THADA: variants seen among roughly 807,000 people sequenced by gnomAD.
THADA encodes tRNA (32-2'-O)-methyltransferase regulator THADA.
THADA carries 213 observed loss-of-function variants against 219.8 expected under a neutral mutation model. That is an observed-to-expected ratio of 0.97 (90% CI 0.87 to 1.09). The LOEUF is 1.09. Ranked by LOEUF, THADA falls within the 50% of genes least tolerant of loss-of-function variation. The pLI is 0.00. For missense variants in THADA, 2,956 were observed against 2,311.3 expected, an observed-to-expected ratio of 1.28 and a Z score of -5.72; for synonymous variants, 1,018 against 828.9, an observed-to-expected ratio of 1.23 and a Z score of -3.92.
intron 31 of THADA, among the ~76,000 whole-genome samples, chr2:43,314,945 A>G (rs567197574): frequency 6.6e-6 from 1 of 152,326 alleles, no homozygotes; most frequent in Non-Finnish European, 1.5e-5. Flanking sequence ...GAATTACATA[A>G]AACACATCAT....
At chr2:43,406,597 A>G (rs1211738952) in intron 28 of THADA, among the ~76,000 whole-genome samples, 2 of 152,216 alleles carry the variant, frequency 1.3e-5, no homozygotes, top group African/African-American at 4.8e-5. Context: ...TGACTCTGGG[A>G]AAAATATGGA....
At chr2:43,300,507 A>T (rs1676133726) in intron 31 of THADA, among the ~76,000 whole-genome samples, 1 of 152,164 alleles carries the variant, frequency 6.6e-6, no homozygotes, top group African/African-American at 2.4e-5. Context: ...ACCAAAATGA[A>T]TGCGATGGCA....
At chr2:43,328,839 G>A (rs961540843) in intron 30 of THADA, among the ~76,000 whole-genome samples, 2 of 152,162 alleles carry the variant, frequency 1.3e-5, no homozygotes, top group African/African-American at 4.8e-5. Context: ...TGCTGCTGGA[G>A]GAAGCCCACA....
intron 36 of THADA, among the ~76,000 whole-genome samples, chr2:43,241,696 A>G (rs1668637189): frequency 6.6e-6 from 1 of 152,014 alleles, no homozygotes; most frequent in Non-Finnish European, 1.5e-5. Flanking sequence ...AGAAGACGGC[A>G]GCAGCTGCTG....
chr2:43,569,626 A>G (rs552495898), intron 14 of THADA, among the ~76,000 whole-genome samples: 2 of 152,332 alleles, frequency 1.3e-5, no homozygotes, highest in East Asian at 3.9e-4. Context: ...TTGAAAACCA[A>G]GGGCATCCAT....
intron 29 of THADA, among the ~76,000 whole-genome samples, chr2:43,380,891 G>A (rs1671929535): frequency 6.6e-6 from 1 of 152,100 alleles, no homozygotes; most frequent in Non-Finnish European, 1.5e-5. Context: ...CTGAGGTTAG[G>A]AGTTCGAGAC....
At chr2:43,465,061 C>T (rs1684077909) in intron 26 of THADA, among the ~76,000 whole-genome samples, 1 of 152,016 alleles carries the variant, frequency 6.6e-6, no homozygotes, top group African/African-American at 2.4e-5. Context: ...TCTTGTTTTC[C>T]CTGCTTCTCA....
chr2:43,505,983 T>C (rs1040211699), intron 23 of THADA, among the ~76,000 whole-genome samples: 2 of 152,226 alleles, frequency 1.3e-5, no homozygotes, highest in Non-Finnish European at 2.9e-5. Context: ...ACTTTGCTCA[T>C]TAAATTTTAT....
intron 28 of THADA, among the ~76,000 whole-genome samples, chr2:43,423,600 T>A (rs1446318013): frequency 6.6e-6 from 1 of 152,050 alleles, no homozygotes; most frequent in Non-Finnish European, 1.5e-5. Flanking sequence ...GCCCGGCTAA[T>A]TTTTTGTATT....
chr2:43,576,926 TG>T, intron 10 of THADA, 95 bp downstream of exon 10: 1 of 1,096,076 alleles, frequency 9.1e-7, no homozygotes, highest in Non-Finnish European at 1.3e-6. Flanking sequence ...GGAGGGTAGC[TG>T]GGATTAGAGG....
At chr2:43,412,603 T>C (rs1676432313) in intron 28 of THADA, among the ~76,000 whole-genome samples, 1 of 152,208 alleles carries the variant, frequency 6.6e-6, no homozygotes, top group Non-Finnish European at 1.5e-5. Flanking sequence ...CTCCCCTATA[T>C]ACTTCAAAGC....
chr2:43,437,262 G>A (rs1306115710), intron 26 of THADA, among the ~76,000 whole-genome samples: 1 of 152,154 alleles, frequency 6.6e-6, no homozygotes, highest in African/African-American at 2.4e-5. Context: ...TACAGGTTAA[G>A]ATAAGATAAG....
intron 28 of THADA, among the ~76,000 whole-genome samples, chr2:43,399,286 A>G (rs1674486826): frequency 6.6e-6 from 1 of 152,226 alleles, no homozygotes; most frequent in African/African-American, 2.4e-5. Flanking sequence ...GGGAAAAGAG[A>G]TGGCCTCTTG....
At chr2:43,311,515 T>G (rs917852599) in intron 31 of THADA, among the ~76,000 whole-genome samples, 8 of 152,178 alleles carry the variant, frequency 5.3e-5, no homozygotes, top group African/African-American at 1.9e-4. Flanking sequence ...CACTTCTAGG[T>G]AAATACCCAA....
Position 43,556,522 on chromosome 2 carries a change from C to T in THADA, c.2497G>A (p.Ala833Thr), listed in dbSNP as rs371803409. ...SGKLQGLFQA[A>T]LELSTSTKPY... ...TTGGTGCTTGTGCTGAGCTCCAATG[C>T]TGCCTGAAATAAGCCTTGCAGTTTC... Residue 833 changes from alanine (A) to threonine (T), a missense_variant, in exon 17 of 38, where the codon GCA becomes ACA. Coordinates refer to ENST00000405975, the MANE Select transcript of THADA (RefSeq NM_022065.5). 153 of 1,613,698 alleles carry T rather than the reference C, an allele frequency of 9.5e-5. No individual in the cohort carries two copies. Among genetic ancestry groups the T allele is most frequent in the Middle Eastern group, 1.6e-4 (1 of 6,084 alleles).
chr2:43,481,192 C>A (rs1460648782), intron 26 of THADA, among the ~76,000 whole-genome samples: 2 of 150,528 alleles, frequency 1.3e-5, no homozygotes, highest in South Asian at 2.1e-4. Flanking sequence ...TCCTTCCAGA[C>A]CTACACCACT....
At chr2:43,264,723 G>A in intron 36 of THADA, among the ~76,000 whole-genome samples, 1 of 152,190 alleles carries the variant, frequency 6.6e-6, no homozygotes, top group East Asian at 1.9e-4. Flanking sequence ...AGAAGGGAAG[G>A]GAGGAGCCTG....
At chr2:43,559,221 T>C (rs979733777) in intron 16 of THADA, among the ~76,000 whole-genome samples, 1 of 152,320 alleles carries the variant, frequency 6.6e-6, no homozygotes, top group Admixed American at 6.5e-5. Context: ...GGGAACTTTC[T>C]GCTCACAAGG....
intron 34 of THADA, among the ~76,000 whole-genome samples, chr2:43,289,319 C>T (rs1572927590): frequency 1.3e-5 from 2 of 150,770 alleles, no homozygotes; most frequent in Non-Finnish European, 1.5e-5. Context: ...ATCAACTGAA[C>T]CTCTTTAAAT....
Sources: allele counts gnomAD v4.1 joint callset (sites outside exome capture counted in the v4.1 genomes callset), GRCh38; gene constraint gnomAD v4.1.1; transcripts MANE v1.5; gene names NCBI Gene and HGNC (gene_info 2026-07-23, HGNC 2026-07-21).